ADCYAP1: variants seen among roughly 807,000 people sequenced by gnomAD.
The protein encoded by ADCYAP1 is pituitary adenylate cyclase-activating polypeptide.
In ADCYAP1, 6 loss-of-function variants were observed where a neutral mutation model predicts 18.5. The observed-to-expected ratio is 0.32, with a 90% CI of 0.18 to 0.64. ADCYAP1 has a LOEUF of 0.64. ADCYAP1 is among the 30% of genes least tolerant of loss of function. The pLI is 0.77. For missense variants in ADCYAP1, 314 were observed against 253.6 expected (o/e 1.24, Z -1.62); for synonymous variants, 136 against 113.9 (o/e 1.19, Z -1.24).
At chr18:904,504 TA>T, upstream of ADCYAP1, 1 of 1,289,110 alleles carries the variant, frequency 7.8e-7, no homozygotes, top group Non-Finnish European at 1.0e-6. Context: ...ACTGCACAGA[TA>T]AATAGGAGCA....
At chr18:908,486 T>G in intron 4 of ADCYAP1, 123 bp downstream of exon 4, 1 of 681,284 alleles carries the variant, frequency 1.5e-6, no homozygotes. Context: ...GGGTCTGGGG[T>G]GGGCATCCGC....
intron 4 of ADCYAP1, 83 bp downstream of exon 4, chr18:908,446 C>A (rs2143121333): frequency 3.3e-6 from 4 of 1,201,530 alleles, no homozygotes; most frequent in Admixed American, 2.1e-5. Flanking sequence ...CGGTGGGTGC[C>A]CGTGGGGGCC....
Position 907,707 on chromosome 18 carries a change from C to T in ADCYAP1, c.159C>T (p.Phe53=), listed in dbSNP as rs746549637. Reference sequence around the variant, plus strand: ...AGGACGGAAACCCGCTGCCAGACTTCGATGGCTCGGAGCCGCCGGGCGCAG... The same window carrying T: ...AGGACGGAAACCCGCTGCCAGACTTTGATGGCTCGGAGCCGCCGGGCGCAG... ...YGEDGNPLPD[F]DGSEPPGAGS... Residue 53 remains phenylalanine, a synonymous_variant, in exon 3 of 5, where the codon TTC becomes TTT. Transcript: ENST00000450565. The T allele has an allele frequency of 7.7e-6, 12 of 1,560,054 alleles. No individual in the cohort carries two copies. Among genetic ancestry groups the T allele is most frequent in the South Asian group, 1.2e-5 (1 of 85,878 alleles).
intron 4 of ADCYAP1, 45 bp from the exon 5 acceptor site, chr18:909,401 G>C (rs765196523): frequency 3.2e-6 from 5 of 1,575,356 alleles, no homozygotes; most frequent in Admixed American, 1.8e-5. Flanking sequence ...GATTGAACCT[G>C]TGTCTCCCGC....
Position 910,468 on chromosome 18 carries a change from G to A in ADCYAP1, c.*833G>A, listed in dbSNP as rs1456161221. 1 of 152,232 alleles carries A rather than the reference G, an allele frequency of 6.6e-6. No homozygotes were observed. Among genetic ancestry groups the A allele is most frequent in the African/African-American group, 2.4e-5 (1 of 41,454 alleles). 9.4% of individuals were successfully genotyped at this position (152,232 alleles called of 1,614,324 possible). On this transcript the variant is annotated 3_prime_UTR_variant, in exon 5 of 5. Coordinates refer to ENST00000450565, the MANE Select transcript of ADCYAP1 (RefSeq NM_001099733.2). Reference sequence around the variant, plus strand: ...CCGCTCTCTTTTCTGTACTTCCTGAGTGGCCAGGGAATCTAATATCCCCAA... The same window carrying A: ...CCGCTCTCTTTTCTGTACTTCCTGAATGGCCAGGGAATCTAATATCCCCAA...
intron 2 of ADCYAP1, 56 bp from the exon 3 acceptor site, chr18:907,603 C>T: frequency 6.5e-7 from 1 of 1,534,366 alleles, no homozygotes; most frequent in Non-Finnish European, 8.7e-7. Flanking sequence ...TGGATCCTCG[C>T]CGAGCTGGGG....
Position 908,358 on chromosome 18 carries a change from C to T in ADCYAP1, c.336C>T (p.Gly112=). 6.2e-7 allele frequency: 1 copy of T among 1,612,350 alleles called. No individual in the cohort carries two copies. The highest frequency in any genetic ancestry group is 8.5e-7 in the Non-Finnish European group (1 of 1,179,298). ...GKHLQSLVAR[G]VGGSLGGGAG... is the part of the protein sequence containing the mutation. ...ACCTGCAGTCGCTCGTGGCCCGGGG[C>T]GTGGGGTAAGAGTTTGTGGAAGGAT... is the stretch of plus-strand genomic sequence containing the variant. Residue 112 remains glycine (G), a synonymous_variant, in exon 4 of 5, where the codon GGC becomes GGT. Transcript: ENST00000450565.
chr18:908,781 CCAAA>C (rs1262295772), intron 4 of ADCYAP1, among the ~76,000 whole-genome samples: 3 of 152,046 alleles, frequency 2.0e-5, no homozygotes, highest in African/African-American at 7.3e-5. Context: ...ACTTATGGAC[CCAAA>C]CAGTTTTGCT....
rs2143104666 is a variant in ADCYAP1, at chr18:905,641, G to T, written c.110+145G>T. 5.1e-6 allele frequency: 5 copies of T among 986,796 alleles called. No homozygotes were observed. In the East Asian group the frequency reaches 1.3e-4, roughly 26 times the overall value. 61.1% of individuals were successfully genotyped at this position (986,796 alleles called of 1,614,324 possible). A position where few individuals can be genotyped will look rare whatever the true frequency, so the allele number is the denominator to read the frequency against. ...CGGTGCGCCTCCGCCAGCCTCGGCT[G>T]GACAGCGGGTCCCCATTCTAGCCGA... On this transcript the variant is annotated intron_variant, in intron 2 of 4. Transcript: ENST00000450565.
chr18:907,941 C>A, intron 3 of ADCYAP1, 151 bp downstream of exon 3: 1 of 1,316,536 alleles, frequency 7.6e-7, no homozygotes, highest in Non-Finnish European at 9.8e-7. Context: ...CCTATTGCAG[C>A]GACAGAAAAT....
In ADCYAP1 at chr18:905,739, A is replaced by G. The variant is rs142811348; in HGVS notation, c.110+243A>G. On this transcript the variant is annotated intron_variant, in intron 2 of 4. Coordinates refer to ENST00000450565, the MANE Select transcript of ADCYAP1 (RefSeq NM_001099733.2). The stretch of plus-strand genomic sequence containing the variant: ...GCAGCTCAGGGTCCCGGGTAGAGCC[A>G]GTGAGCTTCTGGCCGCTGGAGAACC... 7.0e-4 allele frequency: 376 copies of G among 537,534 alleles called. 1 individual carries two copies. Among genetic ancestry groups the G allele is most frequent in the African/African-American group, 5.9e-3 (306 of 51,438 alleles). 33.3% of individuals were successfully genotyped at this position (537,534 alleles called of 1,614,324 possible).
At position 904,896 on chromosome 18, in the gene ADCYAP1, C is replaced by G. The variant is rs181086670; in HGVS notation, c.-166C>G. ...AGAACACGAGCCTCGGCAAACGAGT[C>G]CCGCAGCTCCTCCTGCTGCTCCCGC... is the stretch of plus-strand genomic sequence containing the variant. On this transcript the variant is annotated 5_prime_UTR_variant, in exon 1 of 5. Coordinates refer to ENST00000450565, the MANE Select transcript of ADCYAP1 (RefSeq NM_001099733.2). 8 of 1,288,304 alleles carry G rather than the reference C, an allele frequency of 6.2e-6. No homozygotes were observed. Among genetic ancestry groups the G allele is most frequent in the Non-Finnish European group, 8.1e-6 (8 of 987,966 alleles). 79.8% of individuals were successfully genotyped at this position (1,288,304 alleles called of 1,614,324 possible). A position where few individuals can be genotyped will look rare whatever the true frequency, so the allele number is the denominator to read the frequency against.
upstream of ADCYAP1, chr18:904,619 G>A (rs1005831004): frequency 3.2e-6 from 4 of 1,252,960 alleles, no homozygotes; most frequent in East Asian, 5.7e-5. Context: ...CGACCCTCGC[G>A]GCTGCCTGGC....
At chr18:907,074 T>C (rs1157604052) in intron 2 of ADCYAP1, among the ~76,000 whole-genome samples, 1 of 152,226 alleles carries the variant, frequency 6.6e-6, no homozygotes, top group Non-Finnish European at 1.5e-5. Flanking sequence ...TTATTATTCA[T>C]GTTCCTGCCA....
chr18:908,837 A>G lies in ADCYAP1; in HGVS notation c.341+474A>G, dbSNP rs545854186. Among the ~76,000 whole-genome samples the G allele has an allele frequency of 5.9e-5, 9 of 152,314 alleles. No individual in the cohort carries two copies. The East Asian group carries it at 1.5e-3, about 26-fold the overall frequency. On this transcript the variant is annotated intron_variant, in intron 4 of 4. Transcript: ENST00000450565. ...AGAGCACAGGGCTTGTGTGAAGCCT[A>G]TCTCGGCAGAAGGCAACATTCTAAT...
intron 4 of ADCYAP1, 80 bp downstream of exon 4, chr18:908,443 T>C: frequency 8.0e-7 from 1 of 1,251,700 alleles, no homozygotes; most frequent in African/African-American, 1.5e-5. Flanking sequence ...CGGCGGTGGG[T>C]GCCCGTGGGG....
chr18:907,193 C>T (rs377251407), intron 2 of ADCYAP1, among the ~76,000 whole-genome samples: 1 of 152,338 alleles, frequency 6.6e-6, no homozygotes, highest in African/African-American at 2.4e-5. Flanking sequence ...GAGGAGTTGG[C>T]CCCCGCACGC....
upstream of ADCYAP1, chr18:904,427 G>A: frequency 7.8e-7 from 1 of 1,285,312 alleles, no homozygotes. Flanking sequence ...TGTACTTAAA[G>A]GCAACAGGCA....
chr18:909,212 C>T (rs1362076919), intron 4 of ADCYAP1, among the ~76,000 whole-genome samples: 2 of 152,214 alleles, frequency 1.3e-5, no homozygotes, highest in South Asian at 4.1e-4. Context: ...ATCCCGGGCC[C>T]CCTCCGCAGG....
Sources: allele counts gnomAD v4.1 joint callset (sites outside exome capture counted in the v4.1 genomes callset), GRCh38; gene constraint gnomAD v4.1.1; transcripts MANE v1.5; gene names NCBI Gene and HGNC (gene_info 2026-07-23, HGNC 2026-07-21).